The following NDUFB5 variants were observed in gnomAD, a reference collection of about 807,000 sequenced individuals.
The protein encoded by NDUFB5 is NADH:ubiquinone oxidoreductase subunit B5, also known as NADH dehydrogenase [ubiquinone] 1 beta subcomplex subunit 5, mitochondrial.
NDUFB5 carries 19 observed loss-of-function variants against 19.4 expected under a neutral mutation model. The observed-to-expected ratio is 0.98, with a 90% CI of 0.68 to 1.43. The LOEUF is 1.43. Among genes scored for constraint, NDUFB5 ranks in the 40% most tolerant of loss-of-function variants. NDUFB5 has a pLI of 0.00. For missense variants in NDUFB5, 233 were observed against 236.5 expected, an observed-to-expected ratio of 0.99 and a Z score of 0.10; for synonymous variants, 80 against 82.6, an observed-to-expected ratio of 0.97 and a Z score of 0.17.
Position 179,614,337 on chromosome 3 carries a change from A to G in NDUFB5, c.125-634A>G, listed in dbSNP as rs146555424. On this transcript the variant is annotated intron_variant, in intron 1 of 5. Transcript: ENST00000259037. ...TGGTTTACCACGTGATTTTATCAAG[A>G]TATTTTAGAGTGTGTAGTTTGATAA... Among the ~76,000 whole-genome samples the G allele has an allele frequency of 1.3e-3, 199 of 152,316 alleles. 3 individuals carry two copies. Among genetic ancestry groups the G allele is most frequent in the African/African-American group, 4.3e-3 (180 of 41,586 alleles).
chr3:179,614,130 C>T (rs1719317077), intron 1 of NDUFB5, among the ~76,000 whole-genome samples: 1 of 152,168 alleles, frequency 6.6e-6, no homozygotes, highest in Non-Finnish European at 1.5e-5. Flanking sequence ...TAAGTAACAG[C>T]TAGATCCTTT....
intron 4 of NDUFB5, chr3:179,617,474 A>G (rs1719413482): frequency 6.6e-6 from 1 of 152,252 alleles, no homozygotes; most frequent in African/African-American, 2.4e-5. Flanking sequence ...TATATCAAGC[A>G]GATACATTTT....
Position 179,624,187 on chromosome 3 carries a change from G to T in NDUFB5, c.*147G>T. 1 of 681,022 alleles carries T rather than the reference G, an allele frequency of 1.5e-6. No individual in the cohort carries two copies. The highest frequency in any genetic ancestry group is 3.2e-5 in the South Asian group (1 of 31,102). 42.2% of individuals were successfully genotyped at this position (681,022 alleles called of 1,614,324 possible). ...TTGGTTCAGATTGAGGCTTTTGTTT[G>T]AGGAGTTTGGCTTCCAGTCCCCAAA... On this transcript the variant is annotated 3_prime_UTR_variant, in exon 6 of 6. Transcript: ENST00000259037.
At chr3:179,610,765 G>A (rs1303755693) in intron 1 of NDUFB5, among the ~76,000 whole-genome samples, 1 of 152,012 alleles carries the variant, frequency 6.6e-6, no homozygotes, top group Non-Finnish European at 1.5e-5. Flanking sequence ...CATCAAAGAT[G>A]GTGTAATTCC....
At chr3:179,613,272 A>G (rs893113182) in intron 1 of NDUFB5, among the ~76,000 whole-genome samples, 8 of 152,110 alleles carry the variant, frequency 5.3e-5, no homozygotes, top group African/African-American at 1.7e-4. Context: ...CTTACAGTCA[A>G]TCAAGTACCC....
intron 3 of NDUFB5, among the ~76,000 whole-genome samples, 174 bp downstream of exon 3, chr3:179,616,223 T>C (rs2108398903): frequency 6.6e-6 from 1 of 152,296 alleles, no homozygotes; most frequent in South Asian, 2.1e-4. Context: ...ACTAAGAATT[T>C]TTTAATCCAT....
intron 5 of NDUFB5, among the ~76,000 whole-genome samples, chr3:179,618,949 A>ATTAATCT (rs1719454607): frequency 6.6e-6 from 1 of 152,198 alleles, no homozygotes; most frequent in Non-Finnish European, 1.5e-5. Context: ...GTGTCAGATT[A>ATTAATCT]AAGAGTTCTT....
intron 5 of NDUFB5, among the ~76,000 whole-genome samples, chr3:179,621,327 T>C (rs367611918): frequency 1.1e-3 from 171 of 152,230 alleles, no homozygotes; most frequent in African/African-American, 3.7e-3. Flanking sequence ...ATCCACCCTC[T>C]GGGCCTCCCA....
At position 179,626,098 on chromosome 3, in the gene NDUFB5, A is replaced by G. The variant is rs1719662631; in HGVS notation, c.*2058A>G. ...CTCCACATCCTCACAAGCATTTGTT[A>G]TTTTTTCTTTTTTTTCAAATGAACA... is the stretch of plus-strand genomic sequence containing the variant. On this transcript the variant is annotated 3_prime_UTR_variant, in exon 6 of 6. Coordinates refer to ENST00000259037, the MANE Select transcript of NDUFB5 (RefSeq NM_002492.4). 1 of 151,732 alleles carries G rather than the reference A, an allele frequency of 6.6e-6. No individual in the cohort carries two copies. Among genetic ancestry groups the G allele is most frequent in the African/African-American group, 2.4e-5 (1 of 41,298 alleles). The allele number at this position is 151,732 out of a possible 1,614,324, so 9.4% of individuals were successfully genotyped here.
At chr3:179,615,357 T>C (rs1199375769) in intron 2 of NDUFB5, 2 of 259,618 alleles carry the variant, frequency 7.7e-6, no homozygotes, top group African/African-American at 4.4e-5. Flanking sequence ...AACTAAAATA[T>C]TCTTTAAATT....
At chr3:179,616,545 C>CG (rs1159341487) in intron 3 of NDUFB5, among the ~76,000 whole-genome samples, 4 of 151,448 alleles carry the variant, frequency 2.6e-5, no homozygotes, top group African/African-American at 9.7e-5. Flanking sequence ...CTGTCCCCCC[C>CG]CCAAAAAAAA....
Position 179,614,958 on chromosome 3 carries a change from T to G in NDUFB5, c.125-13T>G. The G allele has an allele frequency of 6.3e-7, 1 of 1,582,194 alleles. No individual in the cohort carries two copies. The highest frequency in any genetic ancestry group is 1.1e-5 in the South Asian group (1 of 89,210). On this transcript the variant is annotated splice_polypyrimidine_tract_variant and intron_variant, in intron 1 of 5. Transcript: ENST00000259037. Reference sequence around the variant, plus strand: ...TGAACCTTGTATAAAACAGGGTAATTCAATATTCCCAGCTCCTGTTCGACA... The same window carrying G: ...TGAACCTTGTATAAAACAGGGTAATGCAATATTCCCAGCTCCTGTTCGACA...
intron 1 of NDUFB5, among the ~76,000 whole-genome samples, chr3:179,610,682 C>T (rs1452131937): frequency 1.3e-5 from 2 of 152,228 alleles, no homozygotes; most frequent in South Asian, 2.1e-4. Flanking sequence ...TCATGTTCTT[C>T]ATCACCCTCT....
rs145965084 is a variant in NDUFB5, at chr3:179,611,526, C to T, written c.125-3445C>T. 6.0e-3 allele frequency among the ~76,000 whole-genome samples: 911 copies of T among 152,068 alleles called. 11 individuals carry two copies. Among genetic ancestry groups the T allele is most frequent in the African/African-American group, 0.021 (870 of 41,492 alleles). On this transcript the variant is annotated intron_variant, in intron 1 of 5. Coordinates refer to ENST00000259037, the MANE Select transcript of NDUFB5 (RefSeq NM_002492.4). ...CTCCTGGATTCAAGCGATTCTCTTG[C>T]CTCAGCCTCCCGAGTAGCTGGGATC...
rs3832244 is a variant in NDUFB5, at chr3:179,624,604, C to CACACACACACACACACACACAT, written c.*564_*565insACACACACACACACACACACAT. 6 of 150,072 alleles carry CACACACACACACACACACACAT rather than the reference C, an allele frequency of 4.0e-5. No homozygotes were observed. The highest frequency in any genetic ancestry group is 1.5e-4 in the African/African-American group (6 of 40,580). The allele number at this position is 150,072 out of a possible 1,614,324, so 9.3% of individuals were successfully genotyped here. Reference sequence around the variant, plus strand: ...ACACACACACACACACACACACACACGCTCTTTTCCTAGATGCAATCTCTG... The same window carrying CACACACACACACACACACACAT: ...ACACACACACACACACACACACACACACACACACACACACACACACATGCTCTTTTCCTAGATGCAATCTCTG... On this transcript the variant is annotated 3_prime_UTR_variant, in exon 6 of 6. Coordinates refer to ENST00000259037, the MANE Select transcript of NDUFB5 (RefSeq NM_002492.4).
At chr3:179,605,513 T>C (rs1719062821) in intron 1 of NDUFB5, among the ~76,000 whole-genome samples, 1 of 152,184 alleles carries the variant, frequency 6.6e-6, no homozygotes, top group Admixed American at 6.5e-5. Flanking sequence ...TTGCCCAGGC[T>C]GGAGTGCAGT....
chr3:179,616,177 G>T, intron 3 of NDUFB5, 128 bp downstream of exon 3: 1 of 697,406 alleles, frequency 1.4e-6, no homozygotes, highest in Non-Finnish European at 2.4e-6. Context: ...GCATAAGCAT[G>T]GCAGTTTATC....
chr3:179,617,050 T>G lies in NDUFB5; in HGVS notation c.342+6T>G. 6.3e-7 allele frequency: 1 copy of G among 1,597,764 alleles called. No homozygotes were observed. Among genetic ancestry groups the G allele is most frequent in the Non-Finnish European group, 8.6e-7 (1 of 1,166,736 alleles). On this transcript the variant is annotated splice_donor_region_variant and intron_variant, in intron 4 of 5. Coordinates refer to ENST00000259037, the MANE Select transcript of NDUFB5 (RefSeq NM_002492.4). ...AACACTGGGAATATTATAAGGTTTG[T>G]ATAGGACATTGACAATTACATACTG...
At chr3:179,620,124 A>G (rs562920092) in intron 5 of NDUFB5, among the ~76,000 whole-genome samples, 13 of 152,286 alleles carry the variant, frequency 8.5e-5, no homozygotes, top group African/African-American at 3.1e-4. Context: ...GTATATTGCA[A>G]AAATTTTTTC....
Sources: allele counts gnomAD v4.1 joint callset (sites outside exome capture counted in the v4.1 genomes callset), GRCh38; gene constraint gnomAD v4.1.1; transcripts MANE v1.5; gene names NCBI Gene and HGNC (gene_info 2026-07-23, HGNC 2026-07-21).